The following SUPT3H variants were observed in gnomAD, a reference collection of about 807,000 sequenced individuals.
The protein encoded by SUPT3H is transcription initiation protein SPT3 homolog.
Under a neutral mutation model 44.3 loss-of-function variants are expected in SUPT3H, and 44 were observed. The ratio of observed to expected loss-of-function variants is 0.99; its 90% CI spans 0.78 to 1.28. The LOEUF is 1.28. Ranked by LOEUF, SUPT3H falls within the 50% of genes most tolerant of loss-of-function variation. The pLI, the probability that SUPT3H is intolerant of heterozygous loss-of-function variation, is 0.00. For synonymous variants in SUPT3H, 124 were observed against 125.6 expected, an observed-to-expected ratio of 0.99 and a Z score of 0.09; for missense variants, 380 against 387.1, an observed-to-expected ratio of 0.98 and a Z score of 0.15.
chr6:44,882,991 T>C (rs1778505449), intron 10 of SUPT3H, among the ~76,000 whole-genome samples: 2 of 152,180 alleles, frequency 1.3e-5, no homozygotes, highest in African/African-American at 4.8e-5. Flanking sequence ...AAGGATGGCC[T>C]CTCTCACCAC....
At chr6:45,295,229 A>G (rs144612863) in intron 2 of SUPT3H, among the ~76,000 whole-genome samples, 5 of 152,208 alleles carry the variant, frequency 3.3e-5, no homozygotes, top group African/African-American at 9.6e-5. Flanking sequence ...AAACAAACAA[A>G]CAAAACATAA....
At chr6:45,374,072 C>A (rs531321726) in intron 1 of SUPT3H, among the ~76,000 whole-genome samples, 5 of 152,306 alleles carry the variant, frequency 3.3e-5, no homozygotes, top group African/African-American at 1.2e-4. Context: ...ATGCCACCAA[C>A]AGTCCTATGA....
At chr6:45,332,410 A>G (rs931767341) in intron 2 of SUPT3H, among the ~76,000 whole-genome samples, 2 of 151,954 alleles carry the variant, frequency 1.3e-5, no homozygotes, top group African/African-American at 4.8e-5. Context: ...ATGGGACTAT[A>G]TTATTTATTT....
At chr6:45,230,903 C>T (rs1021764116) in intron 2 of SUPT3H, among the ~76,000 whole-genome samples, 7 of 151,752 alleles carry the variant, frequency 4.6e-5, no homozygotes, top group South Asian at 4.2e-4. Flanking sequence ...GATCTCCTGA[C>T]CTCATGATCT....
In SUPT3H at chr6:45,337,991, CTAAT is replaced by C. The variant is rs1164032804; in HGVS notation, c.101+27206_101+27209del. 2.0e-5 allele frequency among the ~76,000 whole-genome samples: 3 copies of C among 152,030 alleles called. No individual in the cohort carries two copies. In the East Asian group the frequency reaches 5.8e-4, roughly 29 times the overall value. The stretch of plus-strand genomic sequence containing the variant: ...GGATTCTAAATGCTTCTTTCATACT[CTAAT>C]TACACATTAATCATGGAACCTATAA... On this transcript the variant is annotated intron_variant, in intron 2 of 10. Coordinates refer to ENST00000371459, the MANE Select transcript of SUPT3H (RefSeq NM_003599.4).
intron 10 of SUPT3H, among the ~76,000 whole-genome samples, chr6:44,878,163 T>C (rs959481612): frequency 1.1e-4 from 17 of 152,228 alleles, no homozygotes; most frequent in Non-Finnish European, 2.1e-4. Flanking sequence ...TTGTAAACAA[T>C]TAGGTATGAT....
chr6:45,050,916 G>A (rs192852342), intron 3 of SUPT3H, among the ~76,000 whole-genome samples: 104 of 120,310 alleles, frequency 8.6e-4, no homozygotes, highest in Middle Eastern at 6.7e-3. Flanking sequence ...ATGGAGTCTC[G>A]CTCTGTAGCC....
intron 2 of SUPT3H, among the ~76,000 whole-genome samples, chr6:45,157,451 C>G (rs2153599225): frequency 6.6e-6 from 1 of 151,984 alleles, no homozygotes; most frequent in Non-Finnish European, 1.5e-5. Flanking sequence ...CCAAGAACTC[C>G]AACCCCAAGA....
chr6:44,835,411 T>G (rs1244633493), intron 10 of SUPT3H, among the ~76,000 whole-genome samples: 1 of 152,066 alleles, frequency 6.6e-6, no homozygotes, highest in East Asian at 1.9e-4. Context: ...ACCAAGAGCC[T>G]GGGGTTTTCC....
chr6:45,142,600 G>T (rs2153590832), intron 2 of SUPT3H, among the ~76,000 whole-genome samples: 1 of 151,900 alleles, frequency 6.6e-6, no homozygotes, highest in East Asian at 1.9e-4. Context: ...GTCGGGTGTG[G>T]TGGTGCATGC....
intron 10 of SUPT3H, among the ~76,000 whole-genome samples, chr6:44,843,568 AAAAT>A (rs1327729143): frequency 5.3e-5 from 8 of 152,178 alleles, no homozygotes; most frequent in Non-Finnish European, 1.2e-4. Flanking sequence ...ACACCAGAAA[AAAAT>A]AAACTTTATT....
At chr6:44,912,938 A>C (rs1767282655) in intron 10 of SUPT3H, among the ~76,000 whole-genome samples, 1 of 152,128 alleles carries the variant, frequency 6.6e-6, no homozygotes, top group African/African-American at 2.4e-5. Context: ...TAGGAATTCA[A>C]AATTATTGTC....
Position 45,164,742 on chromosome 6 carries a change from C to T in SUPT3H, c.102-58736G>A, listed in dbSNP as rs189988757. On this transcript the variant is annotated intron_variant, in intron 2 of 10. Coordinates refer to ENST00000371459, the MANE Select transcript of SUPT3H (RefSeq NM_003599.4). Reference sequence around the variant, plus strand: ...CTATAAATAGGTATTTCTTTGTGAACTTATATTTTGTCATAAAAATTCATC... The same window carrying T: ...CTATAAATAGGTATTTCTTTGTGAATTTATATTTTGTCATAAAAATTCATC... 2.6e-5 allele frequency among the ~76,000 whole-genome samples: 4 copies of T among 152,158 alleles called. No homozygotes were observed. The East Asian group carries it at 7.7e-4, about 29-fold the overall frequency.
rs1420273461 is a variant in SUPT3H at position 45,278,196 on chromosome 6, G to T, written c.101+87005C>A. 2.6e-5 allele frequency among the ~76,000 whole-genome samples: 4 copies of T among 152,054 alleles called. No homozygotes were observed. In the East Asian group the frequency reaches 7.7e-4, roughly 29 times the overall value. On this transcript the variant is annotated intron_variant, in intron 2 of 10. Transcript: ENST00000371459. Reference sequence around the variant, plus strand: ...ATTAGAAGAAATACCTAATGTAGATGACGAGTTGATGGGTGCAGCAAACCA... The same window carrying T: ...ATTAGAAGAAATACCTAATGTAGATTACGAGTTGATGGGTGCAGCAAACCA...
chr6:45,039,308 G>A (rs548693732), intron 3 of SUPT3H, among the ~76,000 whole-genome samples: 8 of 152,208 alleles, frequency 5.3e-5, no homozygotes, highest in Non-Finnish European at 8.8e-5. Flanking sequence ...GATGGGTATT[G>A]TCCAAACATT....
chr6:45,256,682 T>C lies in SUPT3H; in HGVS notation c.101+108519A>G, dbSNP rs147493747. On this transcript the variant is annotated intron_variant, in intron 2 of 10. Coordinates refer to ENST00000371459, the MANE Select transcript of SUPT3H (RefSeq NM_003599.4). ...TAAATTTCCCAATTATAGACTTTTA[T>C]AGTAGTAAAATAATATAGTGACTGG... Among the ~76,000 whole-genome samples the C allele has an allele frequency of 2.0e-5, 3 of 152,302 alleles. No individual in the cohort carries two copies. In the East Asian group the frequency reaches 5.8e-4, roughly 29 times the overall value.
chr6:45,055,215 G>T (rs1347058507), intron 3 of SUPT3H, among the ~76,000 whole-genome samples: 1 of 152,048 alleles, frequency 6.6e-6, no homozygotes, highest in Non-Finnish European at 1.5e-5. Context: ...ATGGAGGGTA[G>T]AATCAGTATT....
At chr6:45,172,112 C>T (rs902955159) in intron 2 of SUPT3H, among the ~76,000 whole-genome samples, 1 of 144,712 alleles carries the variant, frequency 6.9e-6, no homozygotes, top group African/African-American at 2.6e-5. Context: ...CTCACTCTGT[C>T]GCCAGGCTGG....
intron 6 of SUPT3H, among the ~76,000 whole-genome samples, chr6:44,995,338 A>G (rs1276031084): frequency 2.0e-5 from 3 of 152,066 alleles, no homozygotes; most frequent in Non-Finnish European, 2.9e-5. Flanking sequence ...ATGACAATTC[A>G]CAGACAACTT....
Sources: allele counts gnomAD v4.1 joint callset (sites outside exome capture counted in the v4.1 genomes callset), GRCh38; gene constraint gnomAD v4.1.1; transcripts MANE v1.5; gene names NCBI Gene and HGNC (gene_info 2026-07-23, HGNC 2026-07-21).